Variants in CCNC observed in about 807,000 individuals in gnomAD.
CCNC encodes cyclin C, also known as cyclin-C.
CCNC carries 19 observed loss-of-function variants against 50.0 expected under a neutral mutation model. That is an observed-to-expected ratio of 0.38 (90% CI 0.27 to 0.56). The LOEUF (loss-of-function observed/expected upper bound fraction) is 0.56. Among genes scored for constraint, CCNC ranks in the 20% least tolerant of loss-of-function variants. The pLI, the probability that CCNC is intolerant of heterozygous loss-of-function variation, is 0.72. For synonymous variants in CCNC, 93 were observed against 103.7 expected, an observed-to-expected ratio of 0.90 and a Z score of 0.63; for missense variants, 200 against 327.1, an observed-to-expected ratio of 0.61 and a Z score of 3.00.
intron 4 of CCNC, among the ~76,000 whole-genome samples, chr6:99,559,411 CAA>C (rs1167178523): frequency 6.6e-6 from 1 of 151,856 alleles, no homozygotes; most frequent in East Asian, 1.9e-4. Context: ...ATAAAAAAAT[CAA>C]GAGTTGGTTT....
rs1802821875 is a variant in CCNC, at chr6:99,562,431, T to G, written c.139+411A>C. ...TGAACCGAAAGTTAAAAAAATTATG[T>G]GACAAACCTACTACATGTCAGAGTA... On this transcript the variant is annotated intron_variant, in intron 2 of 11. Coordinates refer to ENST00000520429, the MANE Select transcript of CCNC (RefSeq NM_005190.4). 13 of 153,182 alleles carry G rather than the reference T, an allele frequency of 8.5e-5. No individual in the cohort carries two copies. In the Admixed American group the frequency reaches 8.5e-4, roughly 10 times the overall value. The allele number at this position is 153,182 out of a possible 1,614,324, so 9.5% of individuals were successfully genotyped here.
intron 7 of CCNC, chr6:99,550,737 C>T (rs1802259290): frequency 4.0e-6 from 1 of 251,916 alleles, no homozygotes; most frequent in African/African-American, 2.2e-5. Flanking sequence ...CCTGACTTGT[C>T]TGTTTGTAAT....
At chr6:99,555,278 T>TA (rs1225003751) in intron 5 of CCNC, among the ~76,000 whole-genome samples, 1 of 152,216 alleles carries the variant, frequency 6.6e-6, no homozygotes, top group Non-Finnish European at 1.5e-5. Context: ...TTAATATAGT[T>TA]AGACTATTCC....
intron 8 of CCNC, 84 bp from the exon 9 acceptor site, chr6:99,549,659 C>A (rs750104594): frequency 6.2e-5 from 52 of 844,322 alleles, no homozygotes; most frequent in East Asian, 3.6e-4. Context: ...GCCAGATTTC[C>A]CATCTTTGCA....
Position 99,545,176 on chromosome 6 carries a change from C to T in CCNC, c.733G>A (p.Asp245Asn), listed in dbSNP as rs745941649. The T allele has an allele frequency of 1.9e-6, 3 of 1,610,572 alleles. No individual in the cohort carries two copies. Among genetic ancestry groups the T allele is most frequent in the Non-Finnish European group, 1.7e-6 (2 of 1,177,006 alleles). ...LKLYEQWKNF[D>N]ERKEMATILS... Reference sequence around the variant, plus strand: ...ATGGTTGCCATCTCTTTTCTCTCATCGAAATTCTTCCACTGCTCATATAGT... The same window carrying T: ...ATGGTTGCCATCTCTTTTCTCTCATTGAAATTCTTCCACTGCTCATATAGT... The change falls in exon 11 of 12, where the codon GAT becomes AAT. Residue 245 changes from aspartate to asparagine, a missense_variant. Transcript: ENST00000520429.
intron 11 of CCNC, 181 bp from the exon 12 acceptor site, chr6:99,543,790 G>A: frequency 2.1e-6 from 3 of 1,406,084 alleles, no homozygotes; most frequent in Non-Finnish European, 2.8e-6. Flanking sequence ...TTGGTTTTAT[G>A]TTTTTATTCT....
chr6:99,544,923 T>C (rs918985254), intron 11 of CCNC, among the ~76,000 whole-genome samples, 189 bp downstream of exon 11: 2 of 152,110 alleles, frequency 1.3e-5, no homozygotes, highest in Non-Finnish European at 2.9e-5. Context: ...GAAAAGTTAC[T>C]AATCAGATTA....
chr6:99,568,316 C>G (rs1430631043), intron 1 of CCNC, 180 bp downstream of exon 1: 1 of 604,848 alleles, frequency 1.7e-6, no homozygotes, highest in African/African-American at 1.9e-5. Context: ...GAAACTGGGG[C>G]TGGGGGCGGG....
chr6:99,559,720 C>CTTT (rs35825182), intron 4 of CCNC, among the ~76,000 whole-genome samples: 44 of 128,606 alleles, frequency 3.4e-4, no homozygotes, highest in Middle Eastern at 3.9e-3. Context: ...AGGAATAATT[C>CTTT]TTTTTTTTTT....
intron 7 of CCNC, 137 bp downstream of exon 7, chr6:99,550,856 G>C (rs1380389296): frequency 2.6e-6 from 1 of 387,962 alleles, no homozygotes; most frequent in Non-Finnish European, 4.6e-6. Context: ...AATATAAATA[G>C]GCTACCATGA....
chr6:99,549,923 A>T (rs1292166794), intron 8 of CCNC, among the ~76,000 whole-genome samples: 3 of 151,624 alleles, frequency 2.0e-5, no homozygotes, highest in Non-Finnish European at 4.4e-5. Flanking sequence ...GACTACCAAA[A>T]AGTATTCTGA....
intron 9 of CCNC, among the ~76,000 whole-genome samples, chr6:99,548,169 T>G (rs1323814275): frequency 6.6e-6 from 1 of 152,024 alleles, no homozygotes; most frequent in Non-Finnish European, 1.5e-5. Flanking sequence ...AATAAAGAGA[T>G]TTAAATGTTT....
intron 10 of CCNC, among the ~76,000 whole-genome samples, chr6:99,545,930 G>C (rs1438291726): frequency 2.0e-5 from 3 of 152,080 alleles, no homozygotes; most frequent in African/African-American, 7.2e-5. Context: ...AAACTGAAAA[G>C]AGATACATAA....
At chr6:99,555,888 C>A (rs1451160987) in intron 5 of CCNC, among the ~76,000 whole-genome samples, 1 of 152,108 alleles carries the variant, frequency 6.6e-6, no homozygotes, top group African/African-American at 2.4e-5. Context: ...TTTTTCAGTA[C>A]CAGCTTCAGC....
In CCNC at chr6:99,543,199, G is replaced by A. The variant is rs1801944021; in HGVS notation, c.*356C>T. On this transcript the variant is annotated 3_prime_UTR_variant, in exon 12 of 12. Coordinates refer to ENST00000520429, the MANE Select transcript of CCNC (RefSeq NM_005190.4). The stretch of plus-strand genomic sequence containing the variant: ...CTTTTTTGGTCCCTCAATGACCAAA[G>A]AGAATTTTAAACAAATTATGCTTCA... 1 of 160,384 alleles carries A rather than the reference G, an allele frequency of 6.2e-6. No individual in the cohort carries two copies. The highest frequency in any genetic ancestry group is 1.4e-5 in the Non-Finnish European group (1 of 73,348). The allele number at this position is 160,384 out of a possible 1,614,324, so 9.9% of individuals were successfully genotyped here. A position where few individuals can be genotyped will look rare whatever the true frequency, so the allele number is the denominator to read the frequency against.
chr6:99,542,717 A>G lies in CCNC; in HGVS notation c.*838T>C, dbSNP rs1277926885. The G allele has an allele frequency of 2.6e-5, 4 of 152,560 alleles. No homozygotes were observed. Among genetic ancestry groups the G allele is most frequent in the Admixed American group, 6.5e-5 (1 of 15,278 alleles). 9.5% of individuals were successfully genotyped at this position (152,560 alleles called of 1,614,324 possible). ...GTAGTAAATCTGTAAATCCACACCA[A>G]GACACAACATTAAACTAGGGTGTGT... On this transcript the variant is annotated 3_prime_UTR_variant, in exon 12 of 12. Transcript: ENST00000520429.
intron 5 of CCNC, among the ~76,000 whole-genome samples, chr6:99,556,291 C>T (rs1020964657): frequency 6.6e-6 from 1 of 152,184 alleles, no homozygotes; most frequent in Non-Finnish European, 1.5e-5. Flanking sequence ...ATTCTACTTT[C>T]TATCTTTATT....
intron 5 of CCNC, chr6:99,558,185 AT>A: frequency 5.3e-6 from 2 of 377,986 alleles, no homozygotes; most frequent in East Asian, 8.1e-5. Flanking sequence ...TTAGAAAACA[AT>A]AAAATACAAT....
intron 1 of CCNC, 89 bp from the exon 2 acceptor site, chr6:99,563,037 A>G (rs1768922696): frequency 3.9e-6 from 3 of 759,738 alleles, no homozygotes; most frequent in East Asian, 5.3e-5. Context: ...TGAGAAGTAC[A>G]AAGTGCAAAA....
Sources: allele counts gnomAD v4.1 joint callset (sites outside exome capture counted in the v4.1 genomes callset), GRCh38; gene constraint gnomAD v4.1.1; transcripts MANE v1.5; gene names NCBI Gene and HGNC (gene_info 2026-07-23, HGNC 2026-07-21).